Variants in AOAH observed in about 807,000 individuals in gnomAD.
AOAH encodes the protein acyloxyacyl hydrolase (neutrophil).
In AOAH, 64 loss-of-function variants were observed where a neutral mutation model predicts 92.2. That is an observed-to-expected ratio of 0.69 (90% CI 0.57 to 0.86). The LOEUF is 0.86. Among genes scored for constraint, AOAH ranks in the 40% least tolerant of loss-of-function variants. AOAH has a pLI of 0.00. For missense variants in AOAH, 656 were observed against 694.6 expected (o/e 0.94, Z 0.62); for synonymous variants, 263 against 254.5 (o/e 1.03, Z -0.32).
intron 15 of AOAH, 92 bp from the exon 16 acceptor site, chr7:36,540,583 T>C (rs1303560395): frequency 1.8e-6 from 2 of 1,104,296 alleles, no homozygotes; most frequent in Admixed American, 2.2e-5. Flanking sequence ...CACACACACA[T>C]ACGCACACAC....
chr7:36,527,507 T>A (rs1784462250), intron 19 of AOAH, among the ~76,000 whole-genome samples: 1 of 151,952 alleles, frequency 6.6e-6, no homozygotes, highest in Non-Finnish European at 1.5e-5. Context: ...GAACTCAAAG[T>A]ACTTCACAGG....
At chr7:36,722,057 T>C (rs1309147726) in intron 1 of AOAH, among the ~76,000 whole-genome samples, 1 of 152,116 alleles carries the variant, frequency 6.6e-6, no homozygotes, top group Non-Finnish European at 1.5e-5. Flanking sequence ...GTGCCAAATA[T>C]GTGAGTGAAG....
intron 3 of AOAH, among the ~76,000 whole-genome samples, chr7:36,668,193 T>TTGTGTGTG (rs113575872): frequency 1.3e-5 from 2 of 151,854 alleles, no homozygotes; most frequent in East Asian, 1.9e-4. Context: ...TGAGAGGTTT[T>TTGTGTGTG]TGTGTGTGTG....
intron 13 of AOAH, among the ~76,000 whole-genome samples, chr7:36,571,026 G>A (rs530994168): frequency 1.3e-5 from 2 of 152,256 alleles, no homozygotes; most frequent in Non-Finnish European, 2.9e-5. Flanking sequence ...TAACAGAGGC[G>A]TGAGCAAAGG....
chr7:36,655,452 G>A (rs1291115163), intron 4 of AOAH, among the ~76,000 whole-genome samples: 1 of 142,728 alleles, frequency 7.0e-6, no homozygotes, highest in East Asian at 2.4e-4. Flanking sequence ...GATCCAAGGT[G>A]TAGGGTGGGA....
chr7:36,544,882 G>C (rs1448329689), intron 15 of AOAH, among the ~76,000 whole-genome samples: 1 of 152,112 alleles, frequency 6.6e-6, no homozygotes, highest in Non-Finnish European at 1.5e-5. Context: ...CAGCTTCCTG[G>C]AACCATAGCT....
intron 11 of AOAH, among the ~76,000 whole-genome samples, chr7:36,603,897 CATATTCTGCTATATTTTCTCTGTCT>C (rs1790788796): frequency 6.6e-6 from 1 of 152,274 alleles, no homozygotes; most frequent in East Asian, 1.9e-4. Context: ...TGCTATAGTC[CATATTCTGCTATATTTTCTCTGTCT>C]ATATTCTGCT....
At chr7:36,646,994 C>T (rs931004530) in intron 4 of AOAH, among the ~76,000 whole-genome samples, 2 of 152,156 alleles carry the variant, frequency 1.3e-5, no homozygotes, top group African/African-American at 4.8e-5. Flanking sequence ...TTCTGTCTAT[C>T]ATATTTCTCA....
At chr7:36,716,751 A>G (rs982505931) in intron 1 of AOAH, among the ~76,000 whole-genome samples, 1 of 142,860 alleles carries the variant, frequency 7.0e-6, no homozygotes, top group East Asian at 2.2e-4. Flanking sequence ...CATGTTCTCA[A>G]TCATAGGTGG....
rs373491776 is a variant in AOAH, at chr7:36,621,758, C to G, written c.605G>C (p.Arg202Pro). The change falls in exon 8 of 21, where the codon CGG becomes CCG. Residue 202 changes from arginine (R) to proline (P), a missense_variant. Transcript: ENST00000617537. ...GTCGCTGTCATTACAGTCTCTCCCC[C>G]GCCAGTGATAGCCCCGCAGTGTCTG... The part of the protein sequence containing the change: ...VFPTLRGYHW[R>P]GRDCNDSDES... 6 of 1,614,068 alleles carry G rather than the reference C, an allele frequency of 3.7e-6. No individual in the cohort carries two copies. Among genetic ancestry groups the G allele is most frequent in the South Asian group, 3.3e-5 (3 of 91,088 alleles).
intron 1 of AOAH, among the ~76,000 whole-genome samples, chr7:36,715,865 A>C (rs549302989): frequency 0.016 from 2,407 of 152,266 alleles, 70 homozygotes; most frequent in African/African-American, 0.055. Flanking sequence ...CTAAAACCAT[A>C]AAAACCCTAG....
At chr7:36,572,275 G>A (rs1168451403) in intron 13 of AOAH, among the ~76,000 whole-genome samples, 1 of 152,134 alleles carries the variant, frequency 6.6e-6, no homozygotes, top group Non-Finnish European at 1.5e-5. Context: ...GAGTCAAGAG[G>A]ATTGCTTGAG....
At chr7:36,574,428 C>A (rs1476942679) in intron 13 of AOAH, among the ~76,000 whole-genome samples, 1 of 152,154 alleles carries the variant, frequency 6.6e-6, no homozygotes, top group African/African-American at 2.4e-5. Context: ...AAAGGACAAC[C>A]ATTTACTATC....
In AOAH at chr7:36,574,826, T is replaced by C. The variant is rs745534001; in HGVS notation, c.1021+1748A>G. 3.3e-5 allele frequency among the ~76,000 whole-genome samples: 5 copies of C among 152,352 alleles called. No homozygotes were observed. In the South Asian group the frequency reaches 1.0e-3, roughly 32 times the overall value. On this transcript the variant is annotated intron_variant, in intron 13 of 20. Transcript: ENST00000617537. ...ATCAAACATAATGATTTTCTATATT[T>C]TCTACCAATCTTTCCTACGTATACC...
At chr7:36,692,549 G>C (rs1395809037) in intron 1 of AOAH, among the ~76,000 whole-genome samples, 1 of 152,040 alleles carries the variant, frequency 6.6e-6, no homozygotes, top group Non-Finnish European at 1.5e-5. Flanking sequence ...GGCAATTAGT[G>C]GTGAAAACAA....
chr7:36,522,819 C>T lies in AOAH; in HGVS notation c.1523-704G>A, dbSNP rs143280308. On this transcript the variant is annotated intron_variant, in intron 19 of 20. Coordinates refer to ENST00000617537, the MANE Select transcript of AOAH (RefSeq NM_001637.4). ...GAGCAGCATCTGAGCCAGCTGCTCC[C>T]GGCAAAGCTACGCCCTCACTTGCCC... Among the ~76,000 whole-genome samples the T allele has an allele frequency of 4.9e-4, 75 of 152,280 alleles. 1 individual carries two copies. The East Asian group carries it at 0.012, about 24-fold the overall frequency.
chr7:36,681,613 T>A (rs2116728182), intron 2 of AOAH, among the ~76,000 whole-genome samples: 1 of 152,258 alleles, frequency 6.6e-6, no homozygotes, highest in Non-Finnish European at 1.5e-5. Context: ...AAGACCAGCC[T>A]GACCAACATG....
At chr7:36,593,017 G>GCC (rs1789855363) in intron 12 of AOAH, among the ~76,000 whole-genome samples, 1 of 151,854 alleles carries the variant, frequency 6.6e-6, no homozygotes, top group Non-Finnish European at 1.5e-5. Context: ...TTTCTTCTAT[G>GCC]CCCCTTTTAT....
chr7:36,613,991 G>T (rs1791671328), intron 11 of AOAH, among the ~76,000 whole-genome samples: 1 of 152,308 alleles, frequency 6.6e-6, no homozygotes, highest in African/African-American at 2.4e-5. Context: ...ACCAGAGACT[G>T]TTTGAGTTCA....
Sources: allele counts gnomAD v4.1 joint callset (sites outside exome capture counted in the v4.1 genomes callset), GRCh38; gene constraint gnomAD v4.1.1; transcripts MANE v1.5; gene names NCBI Gene and HGNC (gene_info 2026-07-23, HGNC 2026-07-21).